SLC7A11: variants seen among roughly 807,000 people sequenced by gnomAD.
SLC7A11 encodes the protein cystine/glutamate transporter.
SLC7A11 carries 35 observed loss-of-function variants against 54.5 expected under a neutral mutation model. That is an observed-to-expected ratio of 0.64 (90% confidence interval 0.49 to 0.85). The LOEUF (loss-of-function observed/expected upper bound fraction) is 0.85, where lower values mean the gene tolerates loss of function less well. Among genes scored for constraint, SLC7A11 ranks in the 40% least tolerant of loss-of-function variants. SLC7A11 has a pLI of 0.00. For missense variants in SLC7A11, 583 were observed against 618.1 expected, an observed-to-expected ratio of 0.94 and a Z score of 0.60; for synonymous variants, 230 against 225.2, an observed-to-expected ratio of 1.02 and a Z score of -0.19.
At chr4:138,189,305 G>A (rs1200995069) in intron 6 of SLC7A11, among the ~76,000 whole-genome samples, 1 of 152,126 alleles carries the variant, frequency 6.6e-6, no homozygotes, top group Non-Finnish European at 1.5e-5. Flanking sequence ...TTTGTGGAAT[G>A]AGAAGGAGCA....
At chr4:138,195,751 C>T (rs1181022107) in intron 6 of SLC7A11, among the ~76,000 whole-genome samples, 1 of 152,148 alleles carries the variant, frequency 6.6e-6, no homozygotes, top group Non-Finnish European at 1.5e-5. Flanking sequence ...TTCATACTCA[C>T]CAATTCCATA....
At chr4:138,226,445 G>A (rs184555280) in intron 3 of SLC7A11, among the ~76,000 whole-genome samples, 7 of 152,018 alleles carry the variant, frequency 4.6e-5, no homozygotes, top group Admixed American at 1.3e-4. Context: ...TTTTCAAAGG[G>A]TTCTTAAAAC....
intron 3 of SLC7A11, among the ~76,000 whole-genome samples, chr4:138,225,767 T>A (rs1272805399): frequency 6.6e-6 from 1 of 152,064 alleles, no homozygotes; most frequent in Non-Finnish European, 1.5e-5. Context: ...GGCAGTGTTT[T>A]CTTTCAAATA....
intron 6 of SLC7A11, among the ~76,000 whole-genome samples, chr4:138,205,896 T>C (rs937287176): frequency 1.3e-5 from 2 of 152,046 alleles, no homozygotes; most frequent in Non-Finnish European, 2.9e-5. Flanking sequence ...TTTATTTAAC[T>C]CTCATTTTGG....
chr4:138,189,246 C>CAA (rs1294441329), intron 6 of SLC7A11, among the ~76,000 whole-genome samples: 20 of 152,224 alleles, frequency 1.3e-4, no homozygotes, highest in Admixed American at 1.3e-3. Context: ...AAAGCACTGG[C>CAA]AAATACATCT....
intron 10 of SLC7A11, 151 bp downstream of exon 10, chr4:138,180,490 C>A (rs942106793): frequency 3.4e-5 from 23 of 669,600 alleles, no homozygotes; most frequent in East Asian, 2.2e-4. Context: ...TAAAATAAAT[C>A]CAACAGGAAA....
chr4:138,227,146 G>A (rs1319768289), intron 3 of SLC7A11, among the ~76,000 whole-genome samples: 1 of 152,224 alleles, frequency 6.6e-6, no homozygotes, highest in Non-Finnish European at 1.5e-5. Flanking sequence ...TTTGAAGAGT[G>A]AGATTACAGA....
intron 4 of SLC7A11, among the ~76,000 whole-genome samples, chr4:138,222,939 C>T (rs931801888): frequency 6.6e-6 from 1 of 151,560 alleles, no homozygotes; most frequent in Non-Finnish European, 1.5e-5. Flanking sequence ...AGTTTTCACT[C>T]CAAACCATTA....
At chr4:138,203,236 A>G (rs1400510207) in intron 6 of SLC7A11, among the ~76,000 whole-genome samples, 3 of 152,106 alleles carry the variant, frequency 2.0e-5, no homozygotes, top group African/African-American at 7.2e-5. Flanking sequence ...ATATTTAGGC[A>G]TTAGTGTGTC....
intron 6 of SLC7A11, among the ~76,000 whole-genome samples, chr4:138,197,452 A>C (rs1737166251): frequency 6.6e-6 from 1 of 152,142 alleles, no homozygotes; most frequent in Non-Finnish European, 1.5e-5. Flanking sequence ...TACTTTAATT[A>C]GTTAACATTT....
intron 3 of SLC7A11, among the ~76,000 whole-genome samples, chr4:138,231,515 T>C (rs1445276295): frequency 1.3e-5 from 2 of 152,146 alleles, no homozygotes; most frequent in African/African-American, 4.8e-5. Flanking sequence ...CTCGGTTAAA[T>C]GTGATCATAT....
chr4:138,169,518 A>G lies in SLC7A11; in HGVS notation c.*2438T>C, dbSNP rs1736354412. The stretch of plus-strand genomic sequence containing the variant: ...AAGAATAATTCTAGTTACCTTTTAA[A>G]TTGATACTTTTAAAGAGAAATTCAA... On this transcript the variant is annotated 3_prime_UTR_variant, in exon 12 of 12. Transcript: ENST00000280612. The G allele has an allele frequency of 6.6e-6, 1 of 152,274 alleles. No homozygotes were observed. The highest frequency in any genetic ancestry group is 6.5e-5 in the Admixed American group (1 of 15,288). 9.4% of individuals were successfully genotyped at this position (152,274 alleles called of 1,614,324 possible). A position where few individuals can be genotyped will look rare whatever the true frequency, so the allele number is the denominator to read the frequency against.
intron 6 of SLC7A11, among the ~76,000 whole-genome samples, chr4:138,192,730 A>C (rs1737040649): frequency 6.6e-6 from 1 of 152,056 alleles, no homozygotes; most frequent in South Asian, 2.1e-4. Context: ...ATAAAAACTG[A>C]TTTTCATCTT....
intron 6 of SLC7A11, among the ~76,000 whole-genome samples, chr4:138,188,824 G>A (rs1736941739): frequency 6.6e-6 from 1 of 152,154 alleles, no homozygotes; most frequent in African/African-American, 2.4e-5. Context: ...TTTAAGCTGA[G>A]TAAAAATGAC....
chr4:138,210,156 T>C (rs1322332078), intron 6 of SLC7A11, among the ~76,000 whole-genome samples: 3 of 152,048 alleles, frequency 2.0e-5, no homozygotes, highest in East Asian at 3.8e-4. Flanking sequence ...GGATTCCCTA[T>C]TCAATAAATG....
intron 3 of SLC7A11, among the ~76,000 whole-genome samples, chr4:138,224,411 A>G (rs1737889399): frequency 6.6e-6 from 1 of 152,190 alleles, no homozygotes; most frequent in South Asian, 2.1e-4. Flanking sequence ...ACAAATATTT[A>G]AAATGTAAAG....
intron 10 of SLC7A11, 133 bp downstream of exon 10, chr4:138,180,508 C>G: frequency 1.2e-6 from 1 of 831,312 alleles, no homozygotes; most frequent in Non-Finnish European, 1.8e-6. Context: ...AAAGCACTGC[C>G]TGCAAGAGTT....
In SLC7A11 at chr4:138,180,654, T is replaced by A. The variant is rs1232265353; in HGVS notation, c.1253A>T (p.His418Leu). 6.2e-7 allele frequency: 1 copy of A among 1,612,804 alleles called. No homozygotes were observed. Among genetic ancestry groups the A allele is most frequent in the Non-Finnish European group, 8.5e-7 (1 of 1,179,346 alleles). Residue 418 changes from histidine to leucine, a missense_variant, in exon 10 of 12, where the codon CAT (histidine) becomes CTT (leucine). Coordinates refer to ENST00000280612, the MANE Select transcript of SLC7A11 (RefSeq NM_014331.4). ...TGCTGAGGTTACCTTGAAAGGACGATGCATATCTGGGCATTTGTATCGAAG... is the reference window on the plus strand; with the variant it reads ...TGCTGAGGTTACCTTGAAAGGACGAAGCATATCTGGGCATTTGTATCGAAG... ...IYLRYKCPDM[H>L]RPFKVPLFIP...
chr4:138,181,100 A>T (rs1736730523), intron 9 of SLC7A11, among the ~76,000 whole-genome samples: 1 of 152,122 alleles, frequency 6.6e-6, no homozygotes, highest in Non-Finnish European at 1.5e-5. Context: ...TCAAAGAGTA[A>T]AAGAAAGGTT....
Sources: gnomAD v4.1 joint callset for allele counts (sites outside exome capture counted in the v4.1 genomes callset) on GRCh38, gnomAD v4.1.1 for gene constraint, MANE v1.5 for transcripts, NCBI Gene and HGNC (gene_info 2026-07-23, HGNC 2026-07-21) for gene names.